NET1: variants seen among roughly 807,000 people sequenced by gnomAD.
NET1 encodes neuroepithelial cell-transforming gene 1 protein.
In NET1, 42 loss-of-function variants were observed where a neutral mutation model predicts 61.1. The observed-to-expected ratio is 0.69, with a 90% CI of 0.54 to 0.89. The LOEUF (loss-of-function observed/expected upper bound fraction) is 0.89. NET1 is among the 40% of genes least tolerant of loss of function. The pLI is 0.00. For missense variants in NET1, 654 were observed against 747.3 expected, an observed-to-expected ratio of 0.88 and a Z score of 1.46; for synonymous variants, 254 against 281.8, an observed-to-expected ratio of 0.90 and a Z score of 0.99.
rs768672944 is a variant in NET1 at position 5,454,507 on chromosome 10, G to A, written c.1011G>A (p.Gln337=). 1.9e-6 allele frequency: 3 copies of A among 1,613,452 alleles called. No homozygotes were observed. In the Admixed American group the frequency reaches 5.0e-5, roughly 27 times the overall value. Residue 337 remains glutamine, a synonymous_variant, in exon 9 of 12, where the codon CAG becomes CAA. Coordinates refer to ENST00000355029, the MANE Select transcript of NET1 (RefSeq NM_001047160.3). This position sits in a 1 kb window ranked among gnomAD's most constrained non-coding sequence, Gnocchi z 8.1. ...CTCCAAAAGAGCACCCTGATGTTCA[G>A]CTTCTGGAGGATGCTGTAAGTAGTC... ...KHTPKEHPDV[Q]LLEDAILIIQ...
intron 3 of NET1, among the ~76,000 whole-genome samples, chr10:5,450,721 T>C (rs1830609722): frequency 6.6e-6 from 1 of 152,328 alleles, no homozygotes; most frequent in Admixed American, 6.5e-5. Context: ...TTATGCTCCA[T>C]AGACATAAAG....
chr10:5,438,909 C>T (rs149075603), intron 3 of NET1, among the ~76,000 whole-genome samples: 1 of 152,328 alleles, frequency 6.6e-6, no homozygotes, highest in Non-Finnish European at 1.5e-5. Flanking sequence ...TTCATGCCTG[C>T]CATCATGGCT....
In NET1 at chr10:5,449,059, A is replaced by G. The variant is rs1228504447; in HGVS notation, c.256-2771A>G. Among the ~76,000 whole-genome samples the G allele has an allele frequency of 6.6e-6, 1 of 152,166 alleles. No homozygotes were observed. Among genetic ancestry groups the G allele is most frequent in the Admixed American group, 6.5e-5 (1 of 15,286 alleles). The stretch of plus-strand genomic sequence containing the variant: ...CCGAAAGACACAAATTTTTGTCCCA[A>G]TCTTTTAGGTGGCCTGTGAATGCCT... On this transcript the variant is annotated intron_variant, in intron 3 of 11. Transcript: ENST00000355029. The surrounding 1 kb of genome is among the most constrained non-coding windows in gnomAD (Gnocchi z 4.4).
Position 5,412,561 on chromosome 10 carries a change from C to A in NET1, c.-132C>A, listed in dbSNP as rs1832010472. ...CGCTGCTCAGCCGCCATTTTCAAATCCCCGGATGACGGCGGTGGCGGCTGC... is the reference window on the plus strand; with the variant it reads ...CGCTGCTCAGCCGCCATTTTCAAATACCCGGATGACGGCGGTGGCGGCTGC... On this transcript the variant is annotated 5_prime_UTR_variant, in exon 1 of 12. Transcript: ENST00000355029. The surrounding 1 kb of genome is among the most constrained non-coding windows in gnomAD (Gnocchi z 6.5). 2 of 994,270 alleles carry A rather than the reference C, an allele frequency of 2.0e-6. No homozygotes were observed. The highest frequency in any genetic ancestry group is 2.8e-6 in the Non-Finnish European group (2 of 726,060). 61.6% of individuals were successfully genotyped at this position (994,270 alleles called of 1,614,324 possible).
rs752065742 is a variant in NET1 at position 5,456,272 on chromosome 10, A to G, written c.1383A>G (p.Lys461=). The G allele has an allele frequency of 2.5e-6, 4 of 1,606,134 alleles. No homozygotes were observed. The highest frequency in any genetic ancestry group is 3.4e-6 in the Non-Finnish European group (4 of 1,176,278). ...SFRGAFSNSE[K]AKNIFRIRFH... ...GAGGAGCTTTCAGTAACTCAGAGAA[A>G]GGTAAAATGCAGGCCTTCAATAATT... The change falls in exon 11 of 12, where the codon AAA becomes AAG. Residue 461 remains lysine, a splice_region_variant and synonymous_variant. Transcript: ENST00000355029. The surrounding 1 kb of genome is among the most constrained non-coding windows in gnomAD (Gnocchi z 7.0).
chr10:5,458,671 A>C lies in NET1; in HGVS notation c.*1677A>C, dbSNP rs1832849967. Among the ~76,000 whole-genome samples the C allele has an allele frequency of 6.6e-6, 1 of 152,236 alleles. No homozygotes were observed. The highest frequency in any genetic ancestry group is 6.5e-5 in the Admixed American group (1 of 15,292). Reference sequence around the variant, plus strand: ...TGGTGTAATCAGACACAGCAATTGTATTGAAAATAACTGAACACCTGTTAC... The same window carrying C: ...TGGTGTAATCAGACACAGCAATTGTCTTGAAAATAACTGAACACCTGTTAC... On this transcript the variant is annotated 3_prime_UTR_variant, in exon 12 of 12. Transcript: ENST00000355029. The surrounding 1 kb of genome is among the most constrained non-coding windows in gnomAD (Gnocchi z 4.5).
Position 5,456,626 on chromosome 10 carries a change from C to T in NET1, c.1423C>T (p.Pro475Ser). ...IFRIRFHDPS[P>S]AQSHTLQAND... Reference sequence around the variant, plus strand: ...TAGAATTCGCTTCCATGACCCCTCTCCAGCCCAGTCTCACACTCTGCAAGC... The same window carrying T: ...TAGAATTCGCTTCCATGACCCCTCTTCAGCCCAGTCTCACACTCTGCAAGC... The change falls in exon 12 of 12, where the codon CCA becomes TCA. Residue 475 changes from proline to serine, a missense_variant. Physicochemically the swap from Pro to Ser is moderately conservative, Grantham distance 74. Transcript: ENST00000355029. This position sits in a 1 kb window ranked among gnomAD's most constrained non-coding sequence, Gnocchi z 7.0. The T allele has an allele frequency of 6.4e-7, 1 of 1,574,442 alleles. No individual in the cohort carries two copies. The highest frequency in any genetic ancestry group is 8.6e-7 in the Non-Finnish European group (1 of 1,161,256).
rs1832225277 is a variant in NET1, at chr10:5,424,367, A to G, written c.129-2288A>G. Among the ~76,000 whole-genome samples the G allele has an allele frequency of 6.6e-6, 1 of 152,132 alleles. No individual in the cohort carries two copies. The highest frequency in any genetic ancestry group is 2.4e-5 in the African/African-American group (1 of 41,426). The stretch of plus-strand genomic sequence containing the variant: ...TCCTAGAGCAGTATTTTTAAGTGTG[A>G]TCTGTGGACTCATGACAGAGAGGTC... On this transcript the variant is annotated intron_variant, in intron 1 of 11. Transcript: ENST00000355029. The surrounding 1 kb of genome is among the most constrained non-coding windows in gnomAD (Gnocchi z 6.1).
Position 5,440,778 on chromosome 10 carries a change from T to G in NET1, c.256-11052T>G, listed in dbSNP as rs1488488802. Among the ~76,000 whole-genome samples, 1 of 152,188 alleles carries G rather than the reference T, an allele frequency of 6.6e-6. No homozygotes were observed. Among genetic ancestry groups the G allele is most frequent in the Non-Finnish European group, 1.5e-5 (1 of 68,030 alleles). On this transcript the variant is annotated intron_variant, in intron 3 of 11. Coordinates refer to ENST00000355029, the MANE Select transcript of NET1 (RefSeq NM_001047160.3). The surrounding 1 kb of genome is among the most constrained non-coding windows in gnomAD (Gnocchi z 4.1). Reference sequence around the variant, plus strand: ...ATTACAATTACCACTGCCCCTCTCTTGTTCATTTGCCACCACTACTATGTA... The same window carrying G: ...ATTACAATTACCACTGCCCCTCTCTGGTTCATTTGCCACCACTACTATGTA...
intron 3 of NET1, among the ~76,000 whole-genome samples, chr10:5,429,515 G>A (rs1832315376): frequency 6.6e-6 from 1 of 152,180 alleles, no homozygotes; most frequent in South Asian, 2.1e-4. Context: ...GCGAAGGAAC[G>A]AGGTAAGAGA....
At chr10:5,419,342 G>A (rs1220001229) in intron 1 of NET1, among the ~76,000 whole-genome samples, 1 of 147,440 alleles carries the variant, frequency 6.8e-6, no homozygotes, top group African/African-American at 2.5e-5. Context: ...TTGGTTGGTT[G>A]GTTTTGATCC....
chr10:5,423,885 G>C lies in NET1; in HGVS notation c.129-2770G>C, dbSNP rs1484442701. Among the ~76,000 whole-genome samples the C allele has an allele frequency of 6.6e-6, 1 of 152,052 alleles. No homozygotes were observed. The highest frequency in any genetic ancestry group is 6.6e-5 in the Admixed American group (1 of 15,262). ...CCTTTGTGGGCACGGTTTGTTTTTT[G>C]GGTTCCTTTTTTCCATGGGTATTCA... On this transcript the variant is annotated intron_variant, in intron 1 of 11. Transcript: ENST00000355029. This position sits in a 1 kb window ranked among gnomAD's most constrained non-coding sequence, Gnocchi z 4.4.
intron 3 of NET1, among the ~76,000 whole-genome samples, chr10:5,438,923 G>A (rs1832481139): frequency 6.6e-6 from 1 of 152,180 alleles, no homozygotes; most frequent in South Asian, 2.1e-4. Flanking sequence ...CATGGCTCCT[G>A]TGCTCATGGG....
At chr10:5,432,529 CTG>C (rs1832364471) in intron 3 of NET1, among the ~76,000 whole-genome samples, 1 of 152,208 alleles carries the variant, frequency 6.6e-6, no homozygotes, top group South Asian at 2.1e-4. Context: ...ACACTCACTT[CTG>C]TGTGTAATTA....
rs1244510488 is a variant in NET1 at position 5,446,932 on chromosome 10, G to A, written c.256-4898G>A. 4 of 1,162,004 alleles carry A rather than the reference G, an allele frequency of 3.4e-6. No individual in the cohort carries two copies. The highest frequency in any genetic ancestry group is 4.9e-6 in the Non-Finnish European group (4 of 821,776). The allele number at this position is 1,162,004 out of a possible 1,614,324, so 72.0% of individuals were successfully genotyped here. A position where few individuals can be genotyped will look rare whatever the true frequency, so the allele number is the denominator to read the frequency against. The stretch of plus-strand genomic sequence containing the variant: ...ACGGAGCTTTTAAAATTTTTAACAA[G>A]GTATTAACAGTATAATTTTAAACTT... On this transcript the variant is annotated intron_variant, in intron 3 of 11. Transcript: ENST00000355029. This position sits in a 1 kb window ranked among gnomAD's most constrained non-coding sequence, Gnocchi z 5.0.
rs1588430737 is a variant in NET1, at chr10:5,435,348, CT to C, written c.255+6120del. ...TTCTTAAAGTTATTCCTCCCTCCCCCTGATTTTTGCTTGGACTTACATCTAA... is the reference window on the plus strand; with the variant it reads ...TTCTTAAAGTTATTCCTCCCTCCCCCGATTTTTGCTTGGACTTACATCTAA... On this transcript the variant is annotated intron_variant, in intron 3 of 11. Transcript: ENST00000355029. The surrounding 1 kb of genome is among the most constrained non-coding windows in gnomAD (Gnocchi z 5.0). 1.3e-5 allele frequency among the ~76,000 whole-genome samples: 2 copies of C among 152,258 alleles called. No individual in the cohort carries two copies. Among genetic ancestry groups the C allele is most frequent in the African/African-American group, 4.8e-5 (2 of 41,552 alleles).
chr10:5,436,368 T>C (rs948001198), intron 3 of NET1, among the ~76,000 whole-genome samples: 40 of 146,824 alleles, frequency 2.7e-4, no homozygotes, highest in Admixed American at 1.2e-3. Flanking sequence ...CAGGTTCAAG[T>C]GATTTTCCTG....
chr10:5,445,677 T>C (rs1588436046), intron 3 of NET1, among the ~76,000 whole-genome samples: 1 of 152,338 alleles, frequency 6.6e-6, no homozygotes, highest in East Asian at 1.9e-4. Context: ...CCAACAAAAG[T>C]AGTGTTGTTC....
Position 5,428,038 on chromosome 10 carries a change from C to CCTTTTTTTTTTTTTTTTTTTT in NET1, c.196-1132_196-1131insCTTTTTTTTTTTTTTTTTTTT, listed in dbSNP as rs767299959. On this transcript the variant is annotated intron_variant, in intron 2 of 11. Coordinates refer to ENST00000355029, the MANE Select transcript of NET1 (RefSeq NM_001047160.3). ...CACTTCTATCTGGACTTTGCCGTTC[C>CCTTTTTTTTTTTTTTTTTTTT]TTTTTTTTTTTTTTTTTTTTTTTTT... Among the ~76,000 whole-genome samples the CCTTTTTTTTTTTTTTTTTTTT allele has an allele frequency of 4.4e-5, 5 of 113,904 alleles. 2 individuals carry two copies. The highest frequency in any genetic ancestry group is 3.4e-5 in the African/African-American group (1 of 29,352). 74.7% of individuals were successfully genotyped at this position (113,904 alleles called of 152,430 possible).
Sources: allele counts gnomAD v4.1 joint callset (sites outside exome capture counted in the v4.1 genomes callset), GRCh38; gene constraint gnomAD v4.1.1; non-coding constraint Gnocchi (gnomAD v3.1); transcripts MANE v1.5; gene names NCBI Gene and HGNC (gene_info 2026-07-23, HGNC 2026-07-21).